The following ATXN7L1 variants were observed in gnomAD, a reference collection of about 807,000 sequenced individuals.
The protein encoded by ATXN7L1 is ataxin 7 like 1.
Under a neutral mutation model 70.8 loss-of-function variants are expected in ATXN7L1, and 15 were observed. The ratio of observed to expected loss-of-function variants is 0.21; its 90% CI spans 0.14 to 0.33. ATXN7L1 has a LOEUF of 0.33. Among genes scored for constraint, ATXN7L1 ranks in the 10% least tolerant of loss-of-function variants. The pLI, the probability that ATXN7L1 is intolerant of heterozygous loss-of-function variation, is 1.00. For missense variants in ATXN7L1, 975 were observed against 1,097.1 expected (o/e 0.89, Z 1.57); for synonymous variants, 440 against 445.1 (o/e 0.99, Z 0.14).
chr7:105,750,572 C>T (rs996891300), intron 3 of ATXN7L1, among the ~76,000 whole-genome samples: 1 of 148,614 alleles, frequency 6.7e-6, no homozygotes, highest in African/African-American at 2.4e-5. Flanking sequence ...GAGGCAGAGG[C>T]GGGTGCATCG....
At chr7:105,646,365 T>C (rs1799022937) in intron 4 of ATXN7L1, among the ~76,000 whole-genome samples, 2 of 152,232 alleles carry the variant, frequency 1.3e-5, no homozygotes, top group African/African-American at 4.8e-5. Context: ...CTCATGTCTG[T>C]AGTCCTAGGA....
rs559333216 is a variant in ATXN7L1, at chr7:105,624,816, C to T, written c.1203-549G>A. Among the ~76,000 whole-genome samples, 21 of 152,244 alleles carry T rather than the reference C, an allele frequency of 1.4e-4. 1 individual carries two copies. The South Asian group carries it at 3.7e-3, about 27-fold the overall frequency. On this transcript the variant is annotated intron_variant, in intron 7 of 11. Coordinates refer to ENST00000419735, the MANE Select transcript of ATXN7L1 (RefSeq NM_020725.2). ...GTTCTGCCCCACTTGTTGTCCCTGG[C>T]GCAGATGACAGGAATGATGGGAAAG...
At chr7:105,768,850 T>G (rs1175843599) in intron 3 of ATXN7L1, among the ~76,000 whole-genome samples, 1 of 152,266 alleles carries the variant, frequency 6.6e-6, no homozygotes, top group African/African-American at 2.4e-5. Flanking sequence ...AGCTAGAGGA[T>G]GTATTCATTG....
At chr7:105,654,302 G>A (rs544428151) in intron 4 of ATXN7L1, among the ~76,000 whole-genome samples, 5 of 152,350 alleles carry the variant, frequency 3.3e-5, no homozygotes, top group African/African-American at 7.2e-5. Flanking sequence ...TGAAGTGTCC[G>A]CTCATAGCGG....
At chr7:105,792,749 G>C (rs929404) in intron 2 of ATXN7L1, among the ~76,000 whole-genome samples, 29,197 of 152,106 alleles carry the variant, frequency 0.19, 3,490 homozygotes, top group Non-Finnish European at 0.27. Flanking sequence ...TTACACCAAG[G>C]AAATGGGCAA....
chr7:105,686,424 G>C (rs908455822), intron 3 of ATXN7L1, among the ~76,000 whole-genome samples: 1 of 152,304 alleles, frequency 6.6e-6, no homozygotes, highest in South Asian at 2.1e-4. Context: ...GCTGAGGCAG[G>C]AGAATCCCTT....
chr7:105,703,508 T>C (rs931304019), intron 3 of ATXN7L1, among the ~76,000 whole-genome samples: 1 of 152,216 alleles, frequency 6.6e-6, no homozygotes, highest in African/African-American at 2.4e-5. Flanking sequence ...TCCAACATTC[T>C]GAACACAAAA....
intron 4 of ATXN7L1, among the ~76,000 whole-genome samples, chr7:105,645,382 C>G (rs908914725): frequency 6.6e-6 from 1 of 152,168 alleles, no homozygotes; most frequent in African/African-American, 2.4e-5. Flanking sequence ...AGATCAGAGG[C>G]TGGGCTCAGT....
At chr7:105,787,498 T>C (rs1256332947) in intron 3 of ATXN7L1, among the ~76,000 whole-genome samples, 4 of 152,150 alleles carry the variant, frequency 2.6e-5, no homozygotes, top group African/African-American at 9.7e-5. Flanking sequence ...AGATACAGAT[T>C]ATATATATGT....
At chr7:105,845,492 C>T (rs1463912756) in intron 2 of ATXN7L1, among the ~76,000 whole-genome samples, 8 of 149,498 alleles carry the variant, frequency 5.4e-5, no homozygotes, top group Non-Finnish European at 1.0e-4. Context: ...ACAGATTCAA[C>T]GTAATCTTTG....
At chr7:105,801,142 A>G (rs1161923090) in intron 2 of ATXN7L1, among the ~76,000 whole-genome samples, 1 of 152,224 alleles carries the variant, frequency 6.6e-6, no homozygotes, top group Non-Finnish European at 1.5e-5. Flanking sequence ...CTGTCAATAC[A>G]TATCATTTAG....
intron 2 of ATXN7L1, among the ~76,000 whole-genome samples, chr7:105,802,293 C>T (rs1288385327): frequency 1.3e-5 from 2 of 152,040 alleles, no homozygotes; most frequent in African/African-American, 2.4e-5. Flanking sequence ...ATGTGGACGG[C>T]GCAGAGGTCC....
Position 105,657,584 on chromosome 7 carries a change from C to A in ATXN7L1, c.578+7482G>T, listed in dbSNP as rs192021748. Among the ~76,000 whole-genome samples the A allele has an allele frequency of 6.4e-4, 97 of 151,710 alleles. 1 individual carries two copies. Among genetic ancestry groups the A allele is most frequent in the Non-Finnish European group, 9.4e-4 (64 of 67,882 alleles). On this transcript the variant is annotated intron_variant, in intron 4 of 11. Coordinates refer to ENST00000419735, the MANE Select transcript of ATXN7L1 (RefSeq NM_020725.2). ...CAGTAGTGTGTGCCTGTCGTCCCAG[C>A]TACCTGGGAGGTTGAGGTGGGAGGA...
chr7:105,758,791 T>C (rs1800131896), intron 3 of ATXN7L1, among the ~76,000 whole-genome samples: 1 of 152,262 alleles, frequency 6.6e-6, no homozygotes, highest in East Asian at 1.9e-4. Flanking sequence ...GGCCTTAGCC[T>C]TCCTTCTTAG....
At chr7:105,837,074 G>C (rs940463281) in intron 2 of ATXN7L1, among the ~76,000 whole-genome samples, 2 of 152,134 alleles carry the variant, frequency 1.3e-5, no homozygotes, top group African/African-American at 4.8e-5. Flanking sequence ...GCGAGAGAGT[G>C]AGTGGGTGGG....
chr7:105,744,060 C>T lies in ATXN7L1; in HGVS notation c.355+44544G>A, dbSNP rs185377020. 2.6e-3 allele frequency among the ~76,000 whole-genome samples: 403 copies of T among 152,262 alleles called. 2 individuals are homozygous for T. Among genetic ancestry groups the T allele is most frequent in the African/African-American group, 9.4e-3 (392 of 41,546 alleles). On this transcript the variant is annotated intron_variant, in intron 3 of 11. Coordinates refer to ENST00000419735, the MANE Select transcript of ATXN7L1 (RefSeq NM_020725.2). ...TCTGGTTCAATGCCCAGTTCTCTCT[C>T]TAAATGGCTGTGCTCCTTGTGCCTC...
chr7:105,615,934 AG>A lies in ATXN7L1; in HGVS notation c.1518-1119del, dbSNP rs1383327587. ...GGAGTGACTCCTCCTTCCATCCTAC[AG>A]CCTGGGGTGCTGCTGCTGCTACTCT... On this transcript the variant is annotated intron_variant, in intron 9 of 11. Transcript: ENST00000419735. Among the ~76,000 whole-genome samples, 7 of 152,256 alleles carry A rather than the reference AG, an allele frequency of 4.6e-5. 1 individual carries two copies. In the East Asian group the frequency reaches 1.4e-3, roughly 29 times the overall value.
chr7:105,730,501 G>A (rs910901704), intron 3 of ATXN7L1, among the ~76,000 whole-genome samples: 1 of 152,218 alleles, frequency 6.6e-6, no homozygotes, highest in African/African-American at 2.4e-5. Flanking sequence ...GGGAGGCCGA[G>A]GCAAGTGGAT....
chr7:105,613,522 A>G (rs1229421750), intron 10 of ATXN7L1: 3 of 1,214,178 alleles, frequency 2.5e-6, no homozygotes, highest in South Asian at 2.1e-5. Context: ...CTCAAAAGAT[A>G]AAACTGACCG....
Sources: gnomAD v4.1 joint callset for allele counts (sites outside exome capture counted in the v4.1 genomes callset) on GRCh38, gnomAD v4.1.1 for gene constraint, MANE v1.5 for transcripts, NCBI Gene and HGNC (gene_info 2026-07-23, HGNC 2026-07-21) for gene names.